The following PRKN variants were observed in gnomAD, a reference collection of about 807,000 sequenced individuals.
PRKN encodes parkin RBR E3 ubiquitin protein ligase, also known as E3 ubiquitin-protein ligase parkin.
A neutral mutation model predicts 59.5 loss-of-function variants in PRKN; 56 were observed. The ratio of observed to expected loss-of-function variants is 0.94; its 90% confidence interval spans 0.76 to 1.18. The LOEUF is 1.18. Among genes scored for constraint, PRKN ranks in the 50% most tolerant of loss-of-function variants. The pLI is 0.00. For synonymous variants in PRKN, 250 were observed against 222.1 expected (o/e 1.13, Z -1.12); for missense variants, 657 against 596.4 (o/e 1.10, Z -1.06).
intron 2 of PRKN, among the ~76,000 whole-genome samples, chr6:162,374,458 G>C (rs568277021): frequency 6.6e-6 from 1 of 151,296 alleles, no homozygotes; most frequent in Non-Finnish European, 1.5e-5. Context: ...AGTTTGGTTT[G>C]GTCTGGTCGG....
intron 9 of PRKN, among the ~76,000 whole-genome samples, chr6:161,491,254 T>C (rs944291359): frequency 6.6e-6 from 1 of 152,156 alleles, no homozygotes; most frequent in Non-Finnish European, 1.5e-5. Context: ...GCTGGGCTGA[T>C]GGGCAGGGTG....
intron 7 of PRKN, among the ~76,000 whole-genome samples, chr6:161,594,114 G>A (rs1386355325): frequency 6.6e-6 from 1 of 152,106 alleles, no homozygotes; most frequent in African/African-American, 2.4e-5. Context: ...AGTGAGCCAA[G>A]ACCATTCTAC....
chr6:162,297,642 G>T (rs1781742425), intron 2 of PRKN, among the ~76,000 whole-genome samples: 1 of 152,008 alleles, frequency 6.6e-6, no homozygotes. Context: ...ATCTATAGTG[G>T]TTGTTCTCAG....
intron 2 of PRKN, among the ~76,000 whole-genome samples, chr6:162,325,327 C>G: frequency 6.6e-6 from 1 of 152,036 alleles, no homozygotes; most frequent in Middle Eastern, 3.4e-3. Context: ...ATTGACTATC[C>G]TCGTTTCCTC....
rs1390948501 is a variant in PRKN, at chr6:161,552,523, C to T, written c.934-3520G>A. ...CCCCTCTCCCTCAGCTCTGCATCAC[C>T]GAACTGCTCAACCTACTTTTTTGTC... is the stretch of plus-strand genomic sequence containing the variant. On this transcript the variant is annotated intron_variant, in intron 8 of 11. Coordinates refer to ENST00000366898, the MANE Select transcript of PRKN (RefSeq NM_004562.3). The surrounding 1 kb of genome is among the most constrained non-coding windows in gnomAD (Gnocchi z 4.9). Among the ~76,000 whole-genome samples the T allele has an allele frequency of 1.3e-5, 2 of 151,860 alleles. No homozygotes were observed. The highest frequency in any genetic ancestry group is 2.4e-5 in the African/African-American group (1 of 41,322).
chr6:161,431,604 C>CTTTTCT (rs923900694), intron 9 of PRKN, among the ~76,000 whole-genome samples: 2 of 151,096 alleles, frequency 1.3e-5, no homozygotes, highest in Non-Finnish European at 3.0e-5. Context: ...TCTTTCTTTT[C>CTTTTCT]TTTTCTTTTT....
chr6:161,939,355 T>G (rs1453357584), intron 6 of PRKN, among the ~76,000 whole-genome samples: 2 of 137,800 alleles, frequency 1.5e-5, no homozygotes, highest in Non-Finnish European at 3.0e-5. Context: ...GCGGTGGAGG[T>G]TGCAGTGAGC....
intron 3 of PRKN, among the ~76,000 whole-genome samples, chr6:162,250,198 G>T (rs993571455): frequency 1.4e-5 from 2 of 146,000 alleles, no homozygotes; most frequent in Admixed American, 6.7e-5. Context: ...GGGGGGGGCA[G>T]GGAATGGAGT....
intron 6 of PRKN, among the ~76,000 whole-genome samples, chr6:161,832,346 G>T (rs1025269687): frequency 6.6e-6 from 1 of 152,036 alleles, no homozygotes; most frequent in Non-Finnish European, 1.5e-5. Flanking sequence ...AATATCGGCC[G>T]GGTGGGGTGG....
intron 4 of PRKN, among the ~76,000 whole-genome samples, chr6:162,106,606 G>A (rs532940868): frequency 3.3e-5 from 5 of 152,248 alleles, no homozygotes; most frequent in South Asian, 4.1e-4. Flanking sequence ...GCATTCTATC[G>A]TCATTTCTTC....
intron 2 of PRKN, among the ~76,000 whole-genome samples, chr6:162,297,965 T>C (rs1264916122): frequency 1.3e-5 from 2 of 152,146 alleles, no homozygotes; most frequent in African/African-American, 4.8e-5. Flanking sequence ...ATTATAGCTG[T>C]GGGTGCTAGA....
chr6:162,182,960 TG>T (rs111779461), intron 4 of PRKN, among the ~76,000 whole-genome samples: 20 of 152,304 alleles, frequency 1.3e-4, no homozygotes, highest in African/African-American at 4.8e-4. Flanking sequence ...GGGTCATTTC[TG>T]ACACCTTTTT....
At chr6:162,273,625 T>A (rs1486386811) in intron 2 of PRKN, among the ~76,000 whole-genome samples, 1 of 152,116 alleles carries the variant, frequency 6.6e-6, no homozygotes. Context: ...GAAACCGAGT[T>A]TTTCACAGTG....
At chr6:162,627,541 G>A (rs1310577652) in intron 1 of PRKN, among the ~76,000 whole-genome samples, 1 of 152,068 alleles carries the variant, frequency 6.6e-6, no homozygotes, top group South Asian at 2.1e-4. Flanking sequence ...GGTAACTGGA[G>A]TTGGAGGCGA....
chr6:162,471,985 A>C (rs1791769770), intron 1 of PRKN, among the ~76,000 whole-genome samples: 1 of 152,230 alleles, frequency 6.6e-6, no homozygotes, highest in African/African-American at 2.4e-5. Flanking sequence ...CACCTGGTCC[A>C]TAAGAACATT....
chr6:162,472,999 A>T (rs1483685599), intron 1 of PRKN, among the ~76,000 whole-genome samples: 3 of 134,654 alleles, frequency 2.2e-5, no homozygotes, highest in Admixed American at 2.1e-4. Context: ...TCTCATACTT[A>T]TTTTTATATC....
At chr6:161,443,395 G>A (rs1789337779) in intron 9 of PRKN, among the ~76,000 whole-genome samples, 1 of 152,016 alleles carries the variant, frequency 6.6e-6, no homozygotes, top group Admixed American at 6.6e-5. Context: ...CACATGCCCT[G>A]CATGGGGCGG....
At chr6:161,763,598 G>A (rs1036232207) in intron 7 of PRKN, among the ~76,000 whole-genome samples, 6 of 152,046 alleles carry the variant, frequency 3.9e-5, no homozygotes, top group East Asian at 1.9e-4. Flanking sequence ...TGCACTGCCC[G>A]TTGCTGTGAG....
chr6:161,354,248 C>T lies in PRKN; in HGVS notation c.1286-4037G>A, dbSNP rs1253687902. On this transcript the variant is annotated intron_variant, in intron 11 of 11. Coordinates refer to ENST00000366898, the MANE Select transcript of PRKN (RefSeq NM_004562.3). This position sits in a 1 kb window ranked among gnomAD's most constrained non-coding sequence, Gnocchi z 6.7. ...GAGGACCGCAATTCTAAAAGCTTTG[C>T]CAGCTTAAAAGTAAGTGCATCCAGG... Among the ~76,000 whole-genome samples, 1 of 152,114 alleles carries T rather than the reference C, an allele frequency of 6.6e-6. No individual in the cohort carries two copies. Among genetic ancestry groups the T allele is most frequent in the Admixed American group, 6.6e-5 (1 of 15,264 alleles).
Sources: allele counts gnomAD v4.1 joint callset (sites outside exome capture counted in the v4.1 genomes callset), GRCh38; gene constraint gnomAD v4.1.1; non-coding constraint Gnocchi (gnomAD v3.1); transcripts MANE v1.5; gene names NCBI Gene and HGNC (gene_info 2026-07-23, HGNC 2026-07-21).